Variants in POLA1 observed in about 807,000 individuals in gnomAD.
POLA1 encodes the protein DNA polymerase alpha catalytic subunit.
POLA1 carries 15 observed loss-of-function variants against 124.0 expected under a neutral mutation model. That is an observed-to-expected ratio of 0.12 (90% CI 0.08 to 0.19). POLA1 has a LOEUF of 0.19. Ranked by LOEUF, POLA1 falls within the 10% of genes least tolerant of loss-of-function variation. The probability of loss-of-function intolerance (pLI) is 1.00; values close to 1 mark genes in which losing one functional copy is unlikely to be tolerated. For synonymous variants in POLA1, 408 were observed against 389.4 expected, an observed-to-expected ratio of 1.05 and a Z score of -0.56; for missense variants, 886 against 1,103.4, an observed-to-expected ratio of 0.80 and a Z score of 2.79.
intron 26 of POLA1, among the ~76,000 whole-genome samples, chrX:24,798,404 C>T (rs1602407115): frequency 9.0e-6 from 1 of 111,257 alleles, no homozygotes; most frequent in African/African-American, 3.3e-5. Context: ...GCCCCTCCTC[C>T]TCCTCAGCCC....
At chrX:24,907,827 C>T (rs1242398525) in intron 35 of POLA1, among the ~76,000 whole-genome samples, 1 of 111,943 alleles carries the variant, frequency 8.9e-6, no homozygotes, top group Non-Finnish European at 1.9e-5. Flanking sequence ...TATTTTTCTC[C>T]TCTTGAGTTT....
At chrX:24,715,407 G>A (rs1395679149) in intron 6 of POLA1, among the ~76,000 whole-genome samples, 1 of 110,743 alleles carries the variant, frequency 9.0e-6, no homozygotes, top group Non-Finnish European at 1.9e-5. Context: ...CCTGATTCCT[G>A]CCTCAGCCTC....
At chrX:24,813,763 G>A (rs1025178848) in intron 29 of POLA1, among the ~76,000 whole-genome samples, 4 of 102,659 alleles carry the variant, frequency 3.9e-5, no homozygotes, top group Non-Finnish European at 7.8e-5. Flanking sequence ...GCAGTGAGCC[G>A]AGATTGCACC....
intron 31 of POLA1, 52 bp from the exon 32 acceptor site, chrX:24,826,375 A>G: frequency 2.0e-6 from 2 of 985,152 alleles, no homozygotes; most frequent in Non-Finnish European, 2.7e-6. Flanking sequence ...AGTTGCTCAC[A>G]ACTTTACCTG....
intron 34 of POLA1, among the ~76,000 whole-genome samples, chrX:24,877,851 T>C (rs1240735022): frequency 9.0e-6 from 1 of 111,271 alleles, no homozygotes; most frequent in African/African-American, 3.3e-5. Context: ...GATGGATTTC[T>C]TCTCTTCTGA....
At chrX:24,703,374 G>C in intron 3 of POLA1, 27 bp downstream of exon 3, 6 of 972,310 alleles carry the variant, frequency 6.2e-6, no homozygotes, top group Non-Finnish European at 8.8e-6. Flanking sequence ...TGGGGGCGGG[G>C]ATGTTGCTTC....
intron 26 of POLA1, among the ~76,000 whole-genome samples, chrX:24,750,123 T>C (rs1441283805): frequency 8.9e-6 from 1 of 112,443 alleles, no homozygotes; most frequent in Admixed American, 9.4e-5. Context: ...CATTTATTTA[T>C]GTATCATCTG....
intron 34 of POLA1, among the ~76,000 whole-genome samples, chrX:24,881,259 G>C (rs1201773955): frequency 8.9e-6 from 1 of 111,970 alleles, no homozygotes; most frequent in Non-Finnish European, 1.9e-5. Flanking sequence ...ACACTGACCA[G>C]GCTCTTTCCT....
intron 16 of POLA1, 87 bp from the exon 17 acceptor site, chrX:24,733,668 A>C (rs775780985): frequency 1.7e-5 from 8 of 475,557 alleles, no homozygotes; most frequent in Admixed American, 7.3e-5. Context: ...TATTTAAGAC[A>C]GTTTCGTTTG....
Position 24,841,694 on chromosome X carries a change from A to T in POLA1, c.3779A>T (p.Asp1260Val), listed in dbSNP as rs2046411178. 1.7e-6 allele frequency: 2 copies of T among 1,186,276 alleles called. No homozygotes were observed. The highest frequency in any genetic ancestry group is 2.3e-6 in the Non-Finnish European group (2 of 877,562). Reference sequence around the variant, plus strand: ...TTTAGAGTTCATCATTATCATAAAGATGAAGAGAATGATGCTCTACTTGGT... The same window carrying T: ...TTTAGAGTTCATCATTATCATAAAGTTGAAGAGAATGATGCTCTACTTGGT... ...TQFRVHHYHK[D>V]EENDALLGGP... Residue 1260 changes from aspartate to valine, a missense_variant, in exon 33 of 37, where the codon GAT becomes GTT. By Grantham distance (152) the Asp-to-Val change is radical (BLOSUM62 -3). Transcript: ENST00000379068.
chrX:24,827,936 C>T (rs2046199424), intron 32 of POLA1, among the ~76,000 whole-genome samples: 1 of 111,960 alleles, frequency 8.9e-6, no homozygotes, highest in African/African-American at 3.3e-5. Context: ...GGTGAATTAT[C>T]AAGTCACATA....
intron 10 of POLA1, among the ~76,000 whole-genome samples, chrX:24,720,107 G>A (rs144965514): frequency 1.5e-4 from 17 of 111,681 alleles, no homozygotes; most frequent in African/African-American, 5.5e-4. Flanking sequence ...ATAATTCTCT[G>A]TATGTACTTT....
chrX:24,758,461 T>C (rs1932724148), intron 26 of POLA1, among the ~76,000 whole-genome samples: 1 of 111,858 alleles, frequency 8.9e-6, no homozygotes. Flanking sequence ...CTAAGATGCA[T>C]GGATATTGGC....
chrX:24,910,247 A>T (rs1336908429), intron 35 of POLA1, among the ~76,000 whole-genome samples: 4 of 103,376 alleles, frequency 3.9e-5, no homozygotes, highest in Admixed American at 2.1e-4. Context: ...TCTCCTGTCT[A>T]ATTGCCCTGG....
chrX:24,860,480 G>A (rs1159131966), intron 34 of POLA1, among the ~76,000 whole-genome samples: 1 of 112,738 alleles, frequency 8.9e-6, no homozygotes, highest in Non-Finnish European at 1.9e-5. Flanking sequence ...AGAATTGTAT[G>A]GCCTTGATTT....
At chrX:24,701,739 G>A (rs1215082280) in intron 2 of POLA1, among the ~76,000 whole-genome samples, 1 of 99,874 alleles carries the variant, frequency 1.0e-5, no homozygotes. Context: ...CCCGGCTGAG[G>A]TAGAACTCTT....
At chrX:24,931,728 A>T (rs2047782310) in intron 36 of POLA1, among the ~76,000 whole-genome samples, 1 of 112,281 alleles carries the variant, frequency 8.9e-6, no homozygotes, top group Admixed American at 9.4e-5. Context: ...TGTCTAGCCC[A>T]TATATACTTG....
At chrX:24,709,008 CA>C (rs1929047682) in intron 4 of POLA1, among the ~76,000 whole-genome samples, 1 of 92,216 alleles carries the variant, frequency 1.1e-5, no homozygotes, top group Non-Finnish European at 2.3e-5. Context: ...GCTGGCCGGG[CA>C]GGGGGGCTGA....
At chrX:24,764,814 T>C (rs1932863266) in intron 26 of POLA1, among the ~76,000 whole-genome samples, 1 of 111,677 alleles carries the variant, frequency 9.0e-6, no homozygotes, top group Non-Finnish European at 1.9e-5. Context: ...TTTCTCTCCA[T>C]TGACACTGCC....
Sources: allele counts gnomAD v4.1 joint callset (sites outside exome capture counted in the v4.1 genomes callset), GRCh38; gene constraint gnomAD v4.1.1; transcripts MANE v1.5; gene names NCBI Gene and HGNC (gene_info 2026-07-23, HGNC 2026-07-21).